Variants in GRID1 observed in about 807,000 individuals in gnomAD.
GRID1 encodes the protein glutamate ionotropic receptor delta type subunit 1, also known as glutamate receptor ionotropic, delta-1.
In GRID1, 28 loss-of-function variants were observed where a neutral mutation model predicts 98.0. The ratio of observed to expected loss-of-function variants is 0.29; its 90% CI spans 0.21 to 0.39. GRID1 has a LOEUF of 0.39. Ranked by LOEUF, GRID1 falls within the 10% of genes least tolerant of loss-of-function variation. The pLI is 1.00. For synonymous variants in GRID1, 553 were observed against 538.5 expected, an observed-to-expected ratio of 1.03 and a Z score of -0.37; for missense variants, 1,111 against 1,340.5, an observed-to-expected ratio of 0.83 and a Z score of 2.67.
intron 15 of GRID1, among the ~76,000 whole-genome samples, chr10:85,610,976 G>A (rs557888439): frequency 1.6e-3 from 246 of 152,270 alleles, no homozygotes; most frequent in African/African-American, 5.1e-3. Context: ...ACAGGGGCAG[G>A]AAGTCCCACA....
chr10:86,244,948 G>C (rs1393083683), intron 2 of GRID1, among the ~76,000 whole-genome samples: 1 of 152,184 alleles, frequency 6.6e-6, no homozygotes, highest in Non-Finnish European at 1.5e-5. Context: ...CTCCATTGCA[G>C]GTAAATATTT....
chr10:85,780,404 G>A (rs1172593183), intron 8 of GRID1, among the ~76,000 whole-genome samples: 1 of 152,174 alleles, frequency 6.6e-6, no homozygotes, highest in Non-Finnish European at 1.5e-5. Context: ...AGAAGAACTG[G>A]TATAATCTGG....
In GRID1 at chr10:85,724,362, G is replaced by A. The variant is rs752652803; in HGVS notation, c.1848C>T (p.Phe616=). The A allele has an allele frequency of 4.8e-5, 77 of 1,612,372 alleles. No homozygotes were observed. The highest frequency in any genetic ancestry group is 6.7e-5 in the African/African-American group (5 of 74,848). ...HSAIWIVYGA[F]VQQGGESSVN... ...AAACCAGAAAGGTACCTTGCTGTAC[G>A]AAGGCTCCATAGACAATCCAGATGG... Residue 616 remains phenylalanine, a synonymous_variant, in exon 11 of 16, where the codon TTC becomes TTT. Transcript: ENST00000327946.
At chr10:86,327,374 G>T (rs1015706523) in intron 2 of GRID1, among the ~76,000 whole-genome samples, 2 of 152,122 alleles carry the variant, frequency 1.3e-5, no homozygotes, top group African/African-American at 4.8e-5. Context: ...TCTGCCCACT[G>T]CCAGAGACCC....
chr10:86,118,386 A>G (rs748833503), intron 4 of GRID1, among the ~76,000 whole-genome samples: 7 of 152,194 alleles, frequency 4.6e-5, no homozygotes, highest in Non-Finnish European at 1.0e-4. Context: ...TACAATGTAC[A>G]CTGCTCAGGT....
intron 8 of GRID1, among the ~76,000 whole-genome samples, chr10:85,740,596 A>G (rs1413700323): frequency 6.6e-6 from 1 of 152,022 alleles, no homozygotes; most frequent in Non-Finnish European, 1.5e-5. Context: ...TCCTTTCAAT[A>G]TCATTCTAGA....
At chr10:85,817,951 G>C (rs768469642) in intron 8 of GRID1, among the ~76,000 whole-genome samples, 1 of 152,182 alleles carries the variant, frequency 6.6e-6, no homozygotes, top group African/African-American at 2.4e-5. Context: ...TGAAGGCAGT[G>C]GGGGAAAGGG....
intron 8 of GRID1, among the ~76,000 whole-genome samples, chr10:85,753,021 A>G (rs1842062536): frequency 6.6e-6 from 1 of 152,066 alleles, no homozygotes; most frequent in Non-Finnish European, 1.5e-5. Flanking sequence ...CATGTCCCAC[A>G]CTTCAGTGCT....
chr10:85,616,783 A>G (rs989336490), intron 14 of GRID1, among the ~76,000 whole-genome samples: 1 of 152,230 alleles, frequency 6.6e-6, no homozygotes, highest in African/African-American at 2.4e-5. Flanking sequence ...CCAGAGGGAT[A>G]ATAGCCACTT....
chr10:86,050,585 A>C (rs554122450), intron 4 of GRID1, among the ~76,000 whole-genome samples: 15 of 152,318 alleles, frequency 9.8e-5, no homozygotes, highest in Admixed American at 3.9e-4. Flanking sequence ...AAGGGGAAAA[A>C]TTTACAAACC....
chr10:85,890,046 T>A (rs1841174135), intron 5 of GRID1, among the ~76,000 whole-genome samples: 1 of 152,140 alleles, frequency 6.6e-6, no homozygotes, highest in African/African-American at 2.4e-5. Context: ...CTTGGGAATG[T>A]TCAATATCTT....
At chr10:85,623,462 G>A (rs76009646) in intron 13 of GRID1, among the ~76,000 whole-genome samples, 179 of 152,198 alleles carry the variant, frequency 1.2e-3, no homozygotes, top group African/African-American at 4.0e-3. Flanking sequence ...AGTTTTCCAC[G>A]TGGCCCCAAA....
At chr10:85,629,864 T>G (rs1427809403) in intron 13 of GRID1, among the ~76,000 whole-genome samples, 1 of 152,210 alleles carries the variant, frequency 6.6e-6, no homozygotes, top group African/African-American at 2.4e-5. Context: ...GCATCCTCAC[T>G]AACATCTGTT....
intron 8 of GRID1, among the ~76,000 whole-genome samples, chr10:85,805,866 C>T (rs1842618819): frequency 6.6e-6 from 1 of 151,118 alleles, no homozygotes; most frequent in South Asian, 2.1e-4. Flanking sequence ...AAACATAAAA[C>T]TATAAAATTT....
At chr10:86,237,383 T>G (rs1411105981) in intron 2 of GRID1, among the ~76,000 whole-genome samples, 1 of 152,176 alleles carries the variant, frequency 6.6e-6, no homozygotes, top group African/African-American at 2.4e-5. Context: ...GAGTGAATTT[T>G]CGGAAGATCG....
At chr10:86,247,746 G>C (rs1281297497) in intron 2 of GRID1, among the ~76,000 whole-genome samples, 6 of 152,178 alleles carry the variant, frequency 3.9e-5, no homozygotes, top group Non-Finnish European at 7.3e-5. Context: ...AGACAGAGCA[G>C]AGACTGGCAC....
At chr10:85,751,250 G>A (rs1842043209) in intron 8 of GRID1, among the ~76,000 whole-genome samples, 1 of 152,316 alleles carries the variant, frequency 6.6e-6, no homozygotes, top group Admixed American at 6.5e-5. Context: ...TCTTGGTAGT[G>A]TTATTATAAA....
chr10:86,116,738 G>A (rs1844587673), intron 4 of GRID1, among the ~76,000 whole-genome samples: 2 of 151,032 alleles, frequency 1.3e-5, no homozygotes, highest in Non-Finnish European at 3.0e-5. Context: ...AGGAGCACCA[G>A]CAGCCTGAGG....
At chr10:86,052,636 A>G (rs937107075) in intron 4 of GRID1, 3 of 152,210 alleles carry the variant, frequency 2.0e-5, no homozygotes, top group African/African-American at 7.2e-5. Context: ...AATGGAACAG[A>G]TCACAGAGAA....
Sources: allele counts gnomAD v4.1 joint callset (sites outside exome capture counted in the v4.1 genomes callset), GRCh38; gene constraint gnomAD v4.1.1; transcripts MANE v1.5; gene names NCBI Gene and HGNC (gene_info 2026-07-23, HGNC 2026-07-21).